MRPS6: variants seen among roughly 807,000 people sequenced by gnomAD.
MRPS6 encodes small ribosomal subunit protein bS6m.
MRPS6 carries 6 observed loss-of-function variants against 13.1 expected under a neutral mutation model. The ratio of observed to expected loss-of-function variants is 0.46; its 90% CI spans 0.25 to 0.91. MRPS6 has a LOEUF of 0.91. Ranked by LOEUF, MRPS6 falls within the 40% of genes least tolerant of loss-of-function variation. The pLI is 0.18. For missense variants in MRPS6, 164 were observed against 155.6 expected (o/e 1.05, Z -0.29); for synonymous variants, 61 against 56.5 (o/e 1.08, Z -0.36).
chr21:34,121,972 G>A (rs1372941720), intron 1 of MRPS6, among the ~76,000 whole-genome samples: 6 of 152,210 alleles, frequency 3.9e-5, no homozygotes, highest in South Asian at 4.2e-4. Flanking sequence ...GATGGTACCC[G>A]ATGTGTCTAC....
chr21:34,073,852 C>G lies in MRPS6; in HGVS notation c.45+107C>G, dbSNP rs933066791. 2.0e-5 allele frequency: 14 copies of G among 698,978 alleles called. No individual in the cohort carries two copies. In the African/African-American group the frequency reaches 2.4e-4, roughly 12 times the overall value. The allele number at this position is 698,978 out of a possible 1,614,324, so 43.3% of individuals were successfully genotyped here. A position where few individuals can be genotyped will look rare whatever the true frequency, so the allele number is the denominator to read the frequency against. The stretch of plus-strand genomic sequence containing the variant: ...CCGCGGGACCCCGGGCCTTCCTGCA[C>G]TCCTCGGAGGAGGCCGGGGCGGCGG... On this transcript the variant is annotated intron_variant, in intron 1 of 2. Transcript: ENST00000399312.
intron 1 of MRPS6, among the ~76,000 whole-genome samples, chr21:34,074,567 A>C (rs1467965867): frequency 6.6e-6 from 1 of 152,198 alleles, no homozygotes; most frequent in African/African-American, 2.4e-5. Context: ...CGCGGCCCGG[A>C]GGCAGCTCAC....
intron 1 of MRPS6, among the ~76,000 whole-genome samples, chr21:34,109,124 TG>T: frequency 2.0e-5 from 3 of 152,172 alleles, no homozygotes; most frequent in Admixed American, 2.0e-4. Context: ...CTTTTGTTCC[TG>T]AAATCTTTTT....
chr21:34,099,403 A>G, intron 1 of MRPS6: 5 of 1,000,206 alleles, frequency 5.0e-6, no homozygotes, highest in Non-Finnish European at 6.0e-6. Context: ...CTGTTTTTTC[A>G]AAGGAACTGT....
At chr21:34,101,817 T>G in intron 1 of MRPS6, 3 of 998,920 alleles carry the variant, frequency 3.0e-6, no homozygotes, top group Non-Finnish European at 3.6e-6. Context: ...TCTCACACTT[T>G]GTGTTGGCTA....
At chr21:34,101,948 G>A in intron 1 of MRPS6, 1 of 1,000,122 alleles carries the variant, frequency 1.0e-6, no homozygotes, top group Non-Finnish European at 1.2e-6. Context: ...AAACAATGGA[G>A]TTTTGATGCC....
chr21:34,081,646 C>T (rs1264017877), intron 1 of MRPS6, among the ~76,000 whole-genome samples: 1 of 152,120 alleles, frequency 6.6e-6, no homozygotes, highest in Non-Finnish European at 1.5e-5. Flanking sequence ...TCTGGATCCT[C>T]AGTTCCTTCT....
Position 34,104,297 on chromosome 21 carries a change from G to A in MRPS6, c.46-21044G>A, listed in dbSNP as rs569175374. 7 of 1,000,142 alleles carry A rather than the reference G, an allele frequency of 7.0e-6. No homozygotes were observed. In the South Asian group the frequency reaches 2.8e-4, roughly 40 times the overall value. The allele number at this position is 1,000,142 out of a possible 1,614,324, so 62.0% of individuals were successfully genotyped here. ...CCATTAACCCTCTTCTAGTCTAGATGAGATGAAATCTGTTAATGTGTGTGT... is the reference window on the plus strand; with the variant it reads ...CCATTAACCCTCTTCTAGTCTAGATAAGATGAAATCTGTTAATGTGTGTGT... On this transcript the variant is annotated intron_variant, in intron 1 of 2. Transcript: ENST00000399312.
chr21:34,099,645 T>C (rs1979143918), intron 1 of MRPS6: 4 of 998,394 alleles, frequency 4.0e-6, no homozygotes, highest in South Asian at 4.7e-5. Context: ...TCCTAGTAGT[T>C]TGGAGAATTA....
chr21:34,101,583 C>G (rs1979239957), intron 1 of MRPS6: 1 of 999,852 alleles, frequency 1.0e-6, no homozygotes, highest in South Asian at 4.7e-5. Context: ...CTTCACATTG[C>G]TGTGTCAGTT....
At chr21:34,083,665 T>G (rs1017126027) in intron 1 of MRPS6, among the ~76,000 whole-genome samples, 5 of 152,220 alleles carry the variant, frequency 3.3e-5, no homozygotes, top group South Asian at 2.1e-4. Context: ...TGAAGTATAG[T>G]ATCTTGAAGC....
chr21:34,101,868 A>G (rs1387175581), intron 1 of MRPS6: 1 of 999,994 alleles, frequency 1.0e-6, no homozygotes, highest in African/African-American at 1.7e-5. Context: ...TCCTTTTTCA[A>G]AAATTAGGGA....
chr21:34,102,846 T>G, intron 1 of MRPS6: 1 of 1,000,106 alleles, frequency 1.0e-6, no homozygotes, highest in Non-Finnish European at 1.2e-6. Context: ...TTGTTTACAT[T>G]CAGAGCTCTA....
intron 1 of MRPS6, among the ~76,000 whole-genome samples, chr21:34,118,249 C>A (rs1979998253): frequency 6.6e-6 from 1 of 152,034 alleles, no homozygotes; most frequent in African/African-American, 2.4e-5. Context: ...TACCAATAGC[C>A]TACTGTTGAC....
chr21:34,103,932 A>G, intron 1 of MRPS6: 2 of 1,000,226 alleles, frequency 2.0e-6, no homozygotes, highest in African/African-American at 1.7e-5. Context: ...GGTGGGTGGA[A>G]CAGGTGACAT....
chr21:34,118,171 C>T (rs1979994400), intron 1 of MRPS6, among the ~76,000 whole-genome samples: 1 of 152,094 alleles, frequency 6.6e-6, no homozygotes, highest in African/African-American at 2.4e-5. Flanking sequence ...TACAGTTAGA[C>T]CCTTGAACAG....
intron 2 of MRPS6, among the ~76,000 whole-genome samples, chr21:34,135,031 A>G (rs763922561): frequency 2.0e-5 from 3 of 152,148 alleles, no homozygotes; most frequent in Admixed American, 6.5e-5. Flanking sequence ...CTTACATAGA[A>G]TTGGATGGTA....
chr21:34,141,805 G>A (rs1424910246), intron 2 of MRPS6, among the ~76,000 whole-genome samples: 1 of 152,200 alleles, frequency 6.6e-6, no homozygotes, highest in Non-Finnish European at 1.5e-5. Flanking sequence ...CGGGATGCCC[G>A]TCGACATTAG....
At chr21:34,094,111 A>G (rs1175992784) in intron 1 of MRPS6, among the ~76,000 whole-genome samples, 1 of 152,226 alleles carries the variant, frequency 6.6e-6, no homozygotes. Flanking sequence ...TGCTTCTTTT[A>G]AAGTTTGCTT....
Sources: allele counts gnomAD v4.1 joint callset (sites outside exome capture counted in the v4.1 genomes callset), GRCh38; gene constraint gnomAD v4.1.1; transcripts MANE v1.5; gene names NCBI Gene and HGNC (gene_info 2026-07-23, HGNC 2026-07-21).